ALKBH1: variants seen among roughly 807,000 people sequenced by gnomAD.
ALKBH1 encodes nucleic acid dioxygenase ALKBH1.
Under a neutral mutation model 36.6 loss-of-function variants are expected in ALKBH1, and 31 were observed. The observed-to-expected ratio is 0.85, with a 90% CI of 0.64 to 1.14. The LOEUF (loss-of-function observed/expected upper bound fraction) is 1.14, where lower values mean the gene tolerates loss of function less well. Among genes scored for constraint, ALKBH1 ranks in the 50% most tolerant of loss-of-function variants. The probability of loss-of-function intolerance (pLI) is 0.00; values close to 1 mark genes in which losing one functional copy is unlikely to be tolerated. For missense variants in ALKBH1, 490 were observed against 497.3 expected (o/e 0.99, Z 0.14); for synonymous variants, 183 against 186.6 (o/e 0.98, Z 0.16).
In ALKBH1 at chr14:77,672,578, C is replaced by T. The variant is rs1271281278; in HGVS notation, c.*1234G>A. The T allele has an allele frequency of 6.6e-6, 1 of 152,190 alleles. No homozygotes were observed. Among genetic ancestry groups the T allele is most frequent in the East Asian group, 1.9e-4 (1 of 5,196 alleles). The allele number at this position is 152,190 out of a possible 1,614,324, so 9.4% of individuals were successfully genotyped here. On this transcript the variant is annotated 3_prime_UTR_variant, in exon 6 of 6. Transcript: ENST00000216489. Reference sequence around the variant, plus strand: ...AAATGGGCTTCCAGCCAGTCCTCCACACAAGGAAGTTAGGATGTTTCAAAG... The same window carrying T: ...AAATGGGCTTCCAGCCAGTCCTCCATACAAGGAAGTTAGGATGTTTCAAAG...
intron 5 of ALKBH1, among the ~76,000 whole-genome samples, chr14:77,675,271 A>G (rs141369275): frequency 0.068 from 9,728 of 143,702 alleles, 367 homozygotes; most frequent in African/African-American, 0.098. Flanking sequence ...CATCTCTACT[A>G]AAAAAAAAAA....
intron 5 of ALKBH1, among the ~76,000 whole-genome samples, chr14:77,675,441 A>T (rs2080199827): frequency 6.6e-6 from 1 of 151,868 alleles, no homozygotes; most frequent in African/African-American, 2.4e-5. Context: ...TTCAAAAAAA[A>T]ACAATAATAA....
At chr14:77,694,065 C>T (rs541308583) in intron 3 of ALKBH1, among the ~76,000 whole-genome samples, 2 of 152,176 alleles carry the variant, frequency 1.3e-5, no homozygotes, top group Non-Finnish European at 2.9e-5. Flanking sequence ...ATTATTTCCT[C>T]CTCTATGCTC....
At chr14:77,681,143 A>G (rs534828927) in intron 3 of ALKBH1, among the ~76,000 whole-genome samples, 1 of 152,322 alleles carries the variant, frequency 6.6e-6, no homozygotes, top group Non-Finnish European at 1.5e-5. Context: ...AGAAAAAATC[A>G]GATTCCTTTA....
At chr14:77,694,680 A>C in intron 3 of ALKBH1, 58 bp downstream of exon 3, 1 of 1,361,926 alleles carries the variant, frequency 7.3e-7, no homozygotes, top group Non-Finnish European at 9.6e-7. Context: ...AGTTCCTTCA[A>C]AGACCTGTGA....
intron 1 of ALKBH1, among the ~76,000 whole-genome samples, chr14:77,707,278 T>G (rs1566819673): frequency 2.0e-5 from 3 of 152,168 alleles, no homozygotes; most frequent in Admixed American, 2.0e-4. Flanking sequence ...GGGGAAAAGC[T>G]GAGAGAGAGA....
chr14:77,707,899 C>T lies in ALKBH1; in HGVS notation c.106G>A (p.Gly36Arg), dbSNP rs1487685977. The T allele has an allele frequency of 6.2e-7, 1 of 1,613,496 alleles. No homozygotes were observed. Among genetic ancestry groups the T allele is most frequent in the Admixed American group, 1.7e-5 (1 of 60,030 alleles). Reference sequence around the variant, plus strand: ...ATGACCCCTTCCAGGTCTGCGGTCCCGGGCCGGCTCTGACGGTAGAAGCGG... The same window carrying T: ...ATGACCCCTTCCAGGTCTGCGGTCCTGGGCCGGCTCTGACGGTAGAAGCGG... ...LFRFYRQSRP[G>R]TADLEGVIDF... The change falls in exon 1 of 6, where the codon GGG (glycine) becomes AGG (arginine). Residue 36 changes from glycine (G) to arginine (R), a missense_variant. Physicochemically the swap from Gly to Arg is moderately radical, Grantham distance 125. Coordinates refer to ENST00000216489, the MANE Select transcript of ALKBH1 (RefSeq NM_006020.3).
At chr14:77,680,291 G>A (rs183205745) in intron 3 of ALKBH1, among the ~76,000 whole-genome samples, 1 of 152,160 alleles carries the variant, frequency 6.6e-6, no homozygotes, top group Non-Finnish European at 1.5e-5. Flanking sequence ...CTGTCCATGG[G>A]AAATGGTACC....
At chr14:77,692,822 A>ATTT (rs1032389477) in intron 3 of ALKBH1, among the ~76,000 whole-genome samples, 2 of 150,560 alleles carry the variant, frequency 1.3e-5, no homozygotes, top group African/African-American at 2.4e-5. Context: ...TTATTTATTT[A>ATTT]ATTTATTTAT....
intron 3 of ALKBH1, chr14:77,683,636 A>G: frequency 3.6e-6 from 1 of 280,488 alleles, no homozygotes; most frequent in Non-Finnish European, 6.8e-6. Context: ...CAGTGGTGCA[A>G]TCTCGGCTCA....
chr14:77,703,363 G>A (rs552601854), intron 2 of ALKBH1, among the ~76,000 whole-genome samples: 6 of 150,514 alleles, frequency 4.0e-5, no homozygotes, highest in South Asian at 4.2e-4. Flanking sequence ...GCACAATCTC[G>A]GCTCAACAAG....
intron 3 of ALKBH1, among the ~76,000 whole-genome samples, chr14:77,689,057 C>G (rs907501032): frequency 1.3e-5 from 2 of 152,204 alleles, no homozygotes; most frequent in South Asian, 4.1e-4. Flanking sequence ...TCTAACTAAC[C>G]TTTCTAGTCT....
intron 2 of ALKBH1, among the ~76,000 whole-genome samples, chr14:77,700,093 T>G (rs1370317209): frequency 1.3e-5 from 2 of 151,930 alleles, no homozygotes; most frequent in Non-Finnish European, 2.9e-5. Flanking sequence ...AAATAAATAC[T>G]AGGCTCTAAC....
intron 1 of ALKBH1, among the ~76,000 whole-genome samples, chr14:77,705,996 A>C (rs964629499): frequency 4.6e-5 from 7 of 152,184 alleles, no homozygotes; most frequent in South Asian, 2.1e-4. Context: ...TGGAGGTTGC[A>C]GTGAGCCAAG....
chr14:77,697,129 T>A, intron 2 of ALKBH1: 1 of 191,990 alleles, frequency 5.2e-6, no homozygotes, highest in Non-Finnish European at 1.1e-5. Flanking sequence ...CAGTGACCTG[T>A]CCTAACTGTG....
chr14:77,695,464 A>T (rs2080321786), intron 2 of ALKBH1, among the ~76,000 whole-genome samples: 1 of 152,174 alleles, frequency 6.6e-6, no homozygotes, highest in Non-Finnish European at 1.5e-5. Context: ...AAGGGTCACT[A>T]ATGGAAGACT....
chr14:77,692,320 T>C (rs937225686), intron 3 of ALKBH1, among the ~76,000 whole-genome samples: 1 of 151,926 alleles, frequency 6.6e-6, no homozygotes, highest in African/African-American at 2.4e-5. Flanking sequence ...ACTAGTGCTC[T>C]ACATTAGTGG....
At chr14:77,680,471 A>G (rs536987768) in intron 3 of ALKBH1, among the ~76,000 whole-genome samples, 15 of 152,340 alleles carry the variant, frequency 9.8e-5, no homozygotes, top group African/African-American at 1.4e-4. Context: ...GTATAGTACA[A>G]TAAAAAATAA....
intron 3 of ALKBH1, among the ~76,000 whole-genome samples, chr14:77,690,989 CG>C (rs2080294001): frequency 6.6e-6 from 1 of 151,858 alleles, no homozygotes; most frequent in African/African-American, 2.4e-5. Context: ...TTAGTAGAGA[CG>C]GGGTTTCACC....
Sources: allele counts gnomAD v4.1 joint callset (sites outside exome capture counted in the v4.1 genomes callset), GRCh38; gene constraint gnomAD v4.1.1; transcripts MANE v1.5; gene names NCBI Gene and HGNC (gene_info 2026-07-23, HGNC 2026-07-21).